The following CPHXL2 variants were observed in gnomAD, a reference collection of about 807,000 sequenced individuals.
CPHXL2 encodes cytoplasmic polyadenylated homeobox like 2.
chr16:75,662,404 G>A, the CPHXL2 span, among the ~76,000 whole-genome samples: 1 of 147,072 alleles, frequency 6.8e-6, no homozygotes, highest in African/African-American at 2.5e-5. Context: ...GACTGCTGGT[G>A]ATCAACTTAA....
the CPHXL2 span, among the ~76,000 whole-genome samples, chr16:75,672,204 G>A: frequency 7.4e-4 from 113 of 151,966 alleles, no homozygotes; most frequent in African/African-American, 2.7e-3. Flanking sequence ...GCTTGAAACT[G>A]GGAGGCGGAG....
the CPHXL2 span, among the ~76,000 whole-genome samples, chr16:75,668,047 C>G: frequency 1.3e-5 from 2 of 152,282 alleles, no homozygotes; most frequent in South Asian, 4.1e-4. Context: ...CCGTCACCAC[C>G]ACTAACTACA....
At chr16:75,664,902 ACT>A in the CPHXL2 span, among the ~76,000 whole-genome samples, 2 of 151,998 alleles carry the variant, frequency 1.3e-5, no homozygotes, top group African/African-American at 4.8e-5. Context: ...CAGCAAGAAA[ACT>A]CTCACCAGAT....
chr16:75,674,981 G>C, the CPHXL2 span, among the ~76,000 whole-genome samples: 1 of 151,730 alleles, frequency 6.6e-6, no homozygotes, highest in Non-Finnish European at 1.5e-5. Flanking sequence ...ACAAGGTCAG[G>C]AGTTCGAGAC....
the CPHXL2 span, among the ~76,000 whole-genome samples, chr16:75,674,300 G>A: frequency 6.7e-6 from 1 of 148,428 alleles, no homozygotes; most frequent in Non-Finnish European, 1.5e-5. Flanking sequence ...GTGAACCCGG[G>A]AGGCGGAGCT....
At chr16:75,675,492 G>T in the CPHXL2 span, among the ~76,000 whole-genome samples, 3 of 152,044 alleles carry the variant, frequency 2.0e-5, no homozygotes, top group Admixed American at 6.6e-5. Flanking sequence ...ACAAATGGTG[G>T]TGGGAAACTG....
At chr16:75,672,779 A>T in the CPHXL2 span, among the ~76,000 whole-genome samples, 5 of 152,100 alleles carry the variant, frequency 3.3e-5, no homozygotes, top group Non-Finnish European at 7.4e-5. Context: ...GTGAGCCACC[A>T]CACCCAGCTA....
At chr16:75,674,696 A>G in the CPHXL2 span, among the ~76,000 whole-genome samples, 13 of 152,022 alleles carry the variant, frequency 8.6e-5, no homozygotes, top group Admixed American at 7.9e-4. Context: ...AACTTACTAT[A>G]TATATATGCA....
chr16:75,667,826 T>C, the CPHXL2 span, among the ~76,000 whole-genome samples: 1 of 152,364 alleles, frequency 6.6e-6, no homozygotes, highest in Admixed American at 6.5e-5. Flanking sequence ...CTTTGATTTC[T>C]CTGACACACC....
chr16:75,665,537 C>T, the CPHXL2 span, among the ~76,000 whole-genome samples: 3 of 152,250 alleles, frequency 2.0e-5, no homozygotes, highest in Middle Eastern at 3.4e-3. Context: ...CCTTTTAAAG[C>T]ATAAATCTCA....
the CPHXL2 span, chr16:75,661,016 C>G: frequency 2.5e-6 from 1 of 400,484 alleles, no homozygotes. Context: ...TGTAGCCCAT[C>G]TGTTGACAGG....
the CPHXL2 span, among the ~76,000 whole-genome samples, chr16:75,662,751 C>CT: frequency 1.3e-5 from 2 of 149,552 alleles, no homozygotes; most frequent in African/African-American, 4.9e-5. Context: ...TGAGAAAATG[C>CT]TTTTTGTATC....
the CPHXL2 span, among the ~76,000 whole-genome samples, chr16:75,663,039 A>T: frequency 6.6e-6 from 1 of 152,066 alleles, no homozygotes; most frequent in Non-Finnish European, 1.5e-5. Flanking sequence ...TGACCTCATG[A>T]TCCGCCCGCC....
the CPHXL2 span, among the ~76,000 whole-genome samples, chr16:75,673,645 G>T: frequency 1.3e-5 from 2 of 152,000 alleles, no homozygotes; most frequent in Non-Finnish European, 2.9e-5. Flanking sequence ...AGTTTTCTTA[G>T]TAAATGGCTG....
chr16:75,665,790 G>T, the CPHXL2 span, among the ~76,000 whole-genome samples: 1 of 152,132 alleles, frequency 6.6e-6, no homozygotes, highest in African/African-American at 2.4e-5. Context: ...ACTGGAACCG[G>T]GGAGGAAGAG....
At chr16:75,661,781 A>T in the CPHXL2 span, among the ~76,000 whole-genome samples, 3 of 152,158 alleles carry the variant, frequency 2.0e-5, no homozygotes, top group Non-Finnish European at 4.4e-5. Context: ...AATTGTTTCA[A>T]TTATTTATTG....
the CPHXL2 span, among the ~76,000 whole-genome samples, chr16:75,667,708 T>C: frequency 1.3e-5 from 2 of 152,246 alleles, no homozygotes; most frequent in Non-Finnish European, 2.9e-5. Context: ...ATTTGTATCT[T>C]CTACTAAGTG....
chr16:75,662,495 G>GCT, the CPHXL2 span, among the ~76,000 whole-genome samples: 1 of 151,952 alleles, frequency 6.6e-6, no homozygotes, highest in Admixed American at 6.6e-5. Context: ...GATCTTTACA[G>GCT]CTCTCATCCT....
At chr16:75,674,448 C>A in the CPHXL2 span, among the ~76,000 whole-genome samples, 12 of 148,874 alleles carry the variant, frequency 8.1e-5, no homozygotes, top group African/African-American at 2.7e-4. Flanking sequence ...TTAAAGTAGA[C>A]CTAAATAAAT....
Sources: gnomAD v4.1 joint callset for allele counts (sites outside exome capture counted in the v4.1 genomes callset) on GRCh38, gnomAD v4.1.1 for gene constraint, MANE v1.5 for transcripts, NCBI Gene and HGNC (gene_info 2026-07-23, HGNC 2026-07-21) for gene names.